The following ADAM11 variants were observed in gnomAD, a reference collection of about 807,000 sequenced individuals.
The protein encoded by ADAM11 is disintegrin and metalloproteinase domain-containing protein 11.
A neutral mutation model predicts 119.1 loss-of-function variants in ADAM11; 49 were observed. That is an observed-to-expected ratio of 0.41 (90% CI 0.33 to 0.52). The LOEUF (loss-of-function observed/expected upper bound fraction) is 0.52. Among genes scored for constraint, ADAM11 ranks in the 20% least tolerant of loss-of-function variants. The pLI, the probability that ADAM11 is intolerant of heterozygous loss-of-function variation, is 0.20. For synonymous variants in ADAM11, 364 were observed against 408.0 expected (o/e 0.89, Z 1.30); for missense variants, 777 against 1,047.5 (o/e 0.74, Z 3.56).
At position 44,772,346 on chromosome 17, in the gene ADAM11, A is replaced by C. The variant is rs1567691809; in HGVS notation, c.610+13A>C. 23 of 565,300 alleles carry C rather than the reference A, an allele frequency of 4.1e-5. No homozygotes were observed. Among genetic ancestry groups the C allele is most frequent in the African/African-American group, 7.7e-5 (4 of 52,242 alleles). 35.0% of individuals were successfully genotyped at this position (565,300 alleles called of 1,614,324 possible). A position where few individuals can be genotyped will look rare whatever the true frequency, so the allele number is the denominator to read the frequency against. ...TGCAGGGAACCAGGTAAGGGAGGGA[A>C]GGGGGGGTGGGGAGGGGCCGGCTGT... On this transcript the variant is annotated intron_variant, in intron 7 of 26. Coordinates refer to ENST00000200557, the MANE Select transcript of ADAM11 (RefSeq NM_002390.6). The surrounding 1 kb of genome is among the most constrained non-coding windows in gnomAD (Gnocchi z 4.5).
rs773292017 is a variant in ADAM11 at position 44,772,849 on chromosome 17, C to T, written c.679-8C>T. The T allele has an allele frequency of 1.2e-6, 2 of 1,612,232 alleles. No individual in the cohort carries two copies. Among genetic ancestry groups the T allele is most frequent in the East Asian group, 4.5e-5 (2 of 44,850 alleles). ...GGGACTGATTCCAAGTGCCCACCCA[C>T]CCCCCAGGTCCGCCGGGGCCACCCT... On this transcript the variant is annotated splice_region_variant and splice_polypyrimidine_tract_variant and intron_variant, in intron 8 of 26. Transcript: ENST00000200557. The surrounding 1 kb of genome is among the most constrained non-coding windows in gnomAD (Gnocchi z 4.5).
Position 44,774,589 on chromosome 17 carries a change from T to C in ADAM11, c.1168+7T>C. The C allele has an allele frequency of 6.2e-7, 1 of 1,611,252 alleles. No homozygotes were observed. Among genetic ancestry groups the C allele is most frequent in the Non-Finnish European group, 8.5e-7 (1 of 1,178,732 alleles). On this transcript the variant is annotated splice_region_variant and intron_variant, in intron 13 of 26. Transcript: ENST00000200557. Reference sequence around the variant, plus strand: ...AAACACCGGAGCTCGGCAGGTATCCTCCCCCAGAGGCCCCCGTGTGGCCCA... The same window carrying C: ...AAACACCGGAGCTCGGCAGGTATCCCCCCCCAGAGGCCCCCGTGTGGCCCA...
chr17:44,769,878 G>T, intron 3 of ADAM11, 84 bp downstream of exon 3: 1 of 1,603,090 alleles, frequency 6.2e-7, no homozygotes. Flanking sequence ...GGGGTCTGGG[G>T]GTTGGGCCTG....
At chr17:44,771,876 C>T in intron 6 of ADAM11, 45 bp downstream of exon 6, 1 of 1,571,460 alleles carries the variant, frequency 6.4e-7, no homozygotes, top group Non-Finnish European at 8.7e-7. Flanking sequence ...GTGGCCCTGC[C>T]AAGCTTGTCC....
chr17:44,777,240 T>A lies in ADAM11; in HGVS notation c.1756T>A (p.Ser586Thr). The change falls in exon 21 of 27, where the codon TCT (serine) becomes ACT (threonine). Residue 586 changes from serine (S) to threonine (T), a missense_variant. Ser to Thr is a moderately conservative substitution (Grantham distance 58). This residue lies in a region of ADAM11 where 348 missense variants were observed against 486.7 expected (regional missense o/e 0.72). Coordinates refer to ENST00000200557, the MANE Select transcript of ADAM11 (RefSeq NM_002390.6). The surrounding 1 kb of genome is among the most constrained non-coding windows in gnomAD (Gnocchi z 5.1). ...TERGSCGRKG[S>T]GWVQCSKQDV... ...GCGTGGGAGCTGTGGGCGCAAGGGA[T>A]CTGGCTGGGTCCAGTGCAGTAAGCA... is the stretch of plus-strand genomic sequence containing the variant. 6.2e-7 allele frequency: 1 copy of A among 1,608,032 alleles called. No individual in the cohort carries two copies. Among genetic ancestry groups the A allele is most frequent in the South Asian group, 1.1e-5 (1 of 90,920 alleles).
intron 26 of ADAM11, 186 bp from the exon 27 acceptor site, chr17:44,779,553 C>T (rs1048390135): frequency 1.0e-6 from 1 of 985,336 alleles, no homozygotes; most frequent in Non-Finnish European, 1.2e-6. Context: ...GAGGGCCCTC[C>T]CTGTGCGTCC....
chr17:44,778,688 CAAAAAAAAAA>C (rs566515861), intron 25 of ADAM11, among the ~76,000 whole-genome samples: 52 of 52,428 alleles, frequency 9.9e-4, no homozygotes, highest in African/African-American at 2.9e-3. Context: ...AAGACTGCGT[CAAAAAAAAAA>C]AAAAAAAAAA....
intron 2 of ADAM11, among the ~76,000 whole-genome samples, chr17:44,765,197 G>C (rs1028304266): frequency 4.0e-5 from 6 of 151,128 alleles, no homozygotes; most frequent in Non-Finnish European, 8.9e-5. Context: ...ATTGCCGGGG[G>C]TGGGTGGGGG....
chr17:44,774,225 A>T, intron 11 of ADAM11, 70 bp from the exon 12 acceptor site: 1 of 1,038,902 alleles, frequency 9.6e-7, no homozygotes, highest in Non-Finnish European at 1.4e-6. Context: ...GGGCTCCCCA[A>T]GGCCCCACCA....
At chr17:44,774,165 G>C in intron 11 of ADAM11, 130 bp from the exon 12 acceptor site, 1 of 539,076 alleles carries the variant, frequency 1.9e-6, no homozygotes, top group Non-Finnish European at 3.2e-6. Context: ...GGTCACCAAG[G>C]CTGATGTAAA....
chr17:44,779,649 G>A (rs1422336577), intron 26 of ADAM11, 90 bp from the exon 27 acceptor site: 1 of 1,514,936 alleles, frequency 6.6e-7, no homozygotes, highest in East Asian at 2.4e-5. Flanking sequence ...CCTGCCTCCA[G>A]GGCCCAGCAC....
At chr17:44,769,585 C>T in intron 2 of ADAM11, 133 bp from the exon 3 acceptor site, 2 of 671,416 alleles carry the variant, frequency 3.0e-6, no homozygotes, top group Non-Finnish European at 5.4e-6. Flanking sequence ...CATCTTGCCC[C>T]CAAATCAATG....
intron 25 of ADAM11, among the ~76,000 whole-genome samples, chr17:44,778,475 T>G (rs1374516970): frequency 6.6e-6 from 1 of 151,920 alleles, no homozygotes; most frequent in Non-Finnish European, 1.5e-5. Flanking sequence ...GCGGATCACC[T>G]GAGGTCAGGA....
chr17:44,767,354 C>CAAAA (rs72428475), intron 2 of ADAM11, among the ~76,000 whole-genome samples: 2 of 56,900 alleles, frequency 3.5e-5, no homozygotes, highest in African/African-American at 7.1e-5. Flanking sequence ...GACTCCATCT[C>CAAAA]AAAAAAAAAA....
chr17:44,771,919 G>A (rs2049529404), intron 6 of ADAM11, 88 bp downstream of exon 6: 11 of 1,453,282 alleles, frequency 7.6e-6, no homozygotes, highest in Admixed American at 3.9e-5. Flanking sequence ...TTCCTCCTCC[G>A]GCTCCTCCCT....
In ADAM11 at chr17:44,775,795, C is replaced by G; in HGVS notation, c.1485+119C>G. The G allele has an allele frequency of 9.2e-7, 1 of 1,084,858 alleles. No homozygotes were observed. Among genetic ancestry groups the G allele is most frequent in the Non-Finnish European group, 1.3e-6 (1 of 767,960 alleles). The allele number at this position is 1,084,858 out of a possible 1,614,324, so 67.2% of individuals were successfully genotyped here. On this transcript the variant is annotated intron_variant, in intron 17 of 26. Coordinates refer to ENST00000200557, the MANE Select transcript of ADAM11 (RefSeq NM_002390.6). The surrounding 1 kb of genome is among the most constrained non-coding windows in gnomAD (Gnocchi z 7.5). ...CCTTCGGGGACGAAGGCCTCTGGGG[C>G]AGGGCTTGATGCGAAGACAGCGCCA...
At chr17:44,779,405 C>G (rs978546627) in intron 26 of ADAM11, 166 bp downstream of exon 26, 16 of 985,258 alleles carry the variant, frequency 1.6e-5, no homozygotes, top group Non-Finnish European at 1.8e-5. Context: ...GGGAGAGCCT[C>G]GCTCAGGGAA....
At chr17:44,760,628 A>T (rs1376914396) in intron 2 of ADAM11, among the ~76,000 whole-genome samples, 1 of 152,258 alleles carries the variant, frequency 6.6e-6, no homozygotes, top group Non-Finnish European at 1.5e-5. Context: ...AAAGTGAGCC[A>T]GGCCAACAGG....
intron 1 of ADAM11, 180 bp downstream of exon 1, chr17:44,759,440 C>T (rs929328681): frequency 5.6e-6 from 7 of 1,247,460 alleles, no homozygotes; most frequent in Non-Finnish European, 7.0e-6. Context: ...CCCAGCTGGC[C>T]GGGCCCACCG....
Sources: allele counts gnomAD v4.1 joint callset (sites outside exome capture counted in the v4.1 genomes callset), GRCh38; gene constraint gnomAD v4.1.1; regional missense constraint gnomAD v4.1.1; non-coding constraint Gnocchi (gnomAD v3.1); transcripts MANE v1.5; gene names NCBI Gene and HGNC (gene_info 2026-07-23, HGNC 2026-07-21).